The following PRELID2 variants were observed in gnomAD, a reference collection of about 807,000 sequenced individuals.
PRELID2 encodes the protein PRELI domain-containing protein 2.
Under a neutral mutation model 28.4 loss-of-function variants are expected in PRELID2, and 25 were observed. The ratio of observed to expected loss-of-function variants is 0.88; its 90% CI spans 0.64 to 1.23. The LOEUF (loss-of-function observed/expected upper bound fraction) is 1.23, where lower values mean the gene tolerates loss of function less well. Ranked by LOEUF, PRELID2 falls within the 50% of genes most tolerant of loss-of-function variation. PRELID2 has a pLI of 0.00. For missense variants in PRELID2, 201 were observed against 214.4 expected (o/e 0.94, Z 0.39); for synonymous variants, 76 against 71.6 (o/e 1.06, Z -0.31).
intron 5 of PRELID2, among the ~76,000 whole-genome samples, chr5:145,772,144 A>G (rs768254204): frequency 2.0e-5 from 3 of 152,130 alleles, no homozygotes; most frequent in Non-Finnish European, 2.9e-5. Flanking sequence ...TGGCACATAC[A>G]GTGTGCCAAG....
chr5:145,792,015 G>A (rs974339664), intron 5 of PRELID2, among the ~76,000 whole-genome samples: 7 of 152,054 alleles, frequency 4.6e-5, no homozygotes, highest in South Asian at 2.1e-4. Context: ...TAGCATGGCC[G>A]CATTCCTCTG....
chr5:145,351,122 A>C, the PRELID2 span, among the ~76,000 whole-genome samples: 1 of 152,210 alleles, frequency 6.6e-6, no homozygotes, highest in South Asian at 2.1e-4. Context: ...AAGCTTACAA[A>C]GCCAGTAAAT....
chr5:145,742,355 C>A (rs187399993), intron 1 of PRELID2, among the ~76,000 whole-genome samples: 1 of 136,310 alleles, frequency 7.3e-6, no homozygotes, highest in African/African-American at 2.7e-5. Context: ...ACATCCTACG[C>A]CAGAAAACAA....
intron 1 of PRELID2, among the ~76,000 whole-genome samples, chr5:145,606,761 A>G (rs1337254446): frequency 6.6e-6 from 1 of 152,156 alleles, no homozygotes; most frequent in Non-Finnish European, 1.5e-5. Flanking sequence ...TTTTGCTATC[A>G]GGATGATGCT....
chr5:145,835,253 C>T lies in PRELID2; in HGVS notation c.-2G>A. 1 of 1,547,490 alleles carries T rather than the reference C, an allele frequency of 6.5e-7. No individual in the cohort carries two copies. Among genetic ancestry groups the T allele is most frequent in the Non-Finnish European group, 8.7e-7 (1 of 1,144,870 alleles). ...GTGCACATCCACCGAGACCCCCATC[C>T]CCGCGCGCCGCGGGCCCCGCGCACC... On this transcript the variant is annotated 5_prime_UTR_variant, in exon 1 of 7. Transcript: ENST00000683046.
At chr5:145,621,482 A>G (rs1366082639) in intron 1 of PRELID2, among the ~76,000 whole-genome samples, 4 of 152,190 alleles carry the variant, frequency 2.6e-5, no homozygotes, top group Admixed American at 2.6e-4. Flanking sequence ...AAAAGCCAAA[A>G]AAGTAGACAC....
intron 1 of PRELID2, among the ~76,000 whole-genome samples, chr5:145,592,352 G>A (rs928142704): frequency 6.6e-6 from 1 of 152,000 alleles, no homozygotes; most frequent in Non-Finnish European, 1.5e-5. Context: ...GCTGTAAGGC[G>A]GAGGCTGCAG....
At chr5:145,424,393 G>A in the PRELID2 span, among the ~76,000 whole-genome samples, 2,066 of 152,308 alleles carry the variant, frequency 0.014, 38 homozygotes, top group African/African-American at 0.046. Context: ...GCGAGACTCC[G>A]TGAGCGTTGG....
intron 1 of PRELID2, among the ~76,000 whole-genome samples, chr5:145,748,008 T>G (rs976229741): frequency 6.6e-6 from 1 of 152,180 alleles, no homozygotes; most frequent in African/African-American, 2.4e-5. Context: ...GGAACATATC[T>G]CAAAATAATA....
At chr5:145,772,269 C>G (rs558011146) in intron 5 of PRELID2, among the ~76,000 whole-genome samples, 2 of 151,908 alleles carry the variant, frequency 1.3e-5, no homozygotes, top group African/African-American at 4.8e-5. Flanking sequence ...AACTAAACCT[C>G]AATTTGACAG....
intron 1 of PRELID2, among the ~76,000 whole-genome samples, chr5:145,644,885 T>C (rs1160429446): frequency 1.3e-5 from 2 of 152,200 alleles, no homozygotes; most frequent in African/African-American, 2.4e-5. Context: ...AGAGACTGTT[T>C]GTTATGATTT....
At chr5:145,458,847 GA>G in the PRELID2 span, among the ~76,000 whole-genome samples, 11 of 151,986 alleles carry the variant, frequency 7.2e-5, no homozygotes, top group Admixed American at 3.9e-4. Flanking sequence ...ATCAATTAAA[GA>G]AAAAAATCTG....
intron 1 of PRELID2, among the ~76,000 whole-genome samples, chr5:145,652,524 G>T (rs947430572): frequency 1.3e-5 from 2 of 152,218 alleles, no homozygotes; most frequent in African/African-American, 4.8e-5. Context: ...CCCACAAGGG[G>T]AAGCCCATGA....
chr5:145,341,021 A>G, the PRELID2 span, among the ~76,000 whole-genome samples: 9 of 151,848 alleles, frequency 5.9e-5, no homozygotes, highest in Non-Finnish European at 1.3e-4. Context: ...GAAATCATAC[A>G]GAGATCACAC....
chr5:145,446,628 A>C, the PRELID2 span, among the ~76,000 whole-genome samples: 8 of 152,174 alleles, frequency 5.3e-5, no homozygotes, highest in African/African-American at 1.9e-4. Flanking sequence ...TCGATCGGAC[A>C]TAGACCAACA....
chr5:145,436,337 A>G, the PRELID2 span, among the ~76,000 whole-genome samples: 1 of 152,042 alleles, frequency 6.6e-6, no homozygotes, highest in Non-Finnish European at 1.5e-5. Context: ...TCTATTGTTG[A>G]TGGGCTTTTA....
chr5:145,715,118 T>C (rs1239660870), intron 1 of PRELID2, among the ~76,000 whole-genome samples: 2 of 152,302 alleles, frequency 1.3e-5, no homozygotes, highest in East Asian at 3.9e-4. Flanking sequence ...CCTTTATTTG[T>C]CATTTCTGTT....
chr5:145,811,823 T>A (rs1304814532), intron 4 of PRELID2, among the ~76,000 whole-genome samples: 1 of 152,158 alleles, frequency 6.6e-6, no homozygotes, highest in East Asian at 1.9e-4. Context: ...GGTACAGAAA[T>A]ATCCCTGTAA....
At chr5:145,536,979 T>G (rs1561501916) in intron 1 of PRELID2, among the ~76,000 whole-genome samples, 1 of 151,822 alleles carries the variant, frequency 6.6e-6, no homozygotes, top group Non-Finnish European at 1.5e-5. Flanking sequence ...GTTTTTAATT[T>G]TTAAAAAATT....
Sources: gnomAD v4.1 joint callset for allele counts (sites outside exome capture counted in the v4.1 genomes callset) on GRCh38, gnomAD v4.1.1 for gene constraint, MANE v1.5 for transcripts, NCBI Gene and HGNC (gene_info 2026-07-23, HGNC 2026-07-21) for gene names.